The following UST variants were observed in gnomAD, a reference collection of about 807,000 sequenced individuals.
UST encodes the protein uronyl 2-sulfotransferase.
Under a neutral mutation model 45.6 loss-of-function variants are expected in UST, and 21 were observed. The observed-to-expected ratio is 0.46, with a 90% confidence interval of 0.33 to 0.66. The LOEUF is 0.66. Among genes scored for constraint, UST ranks in the 30% least tolerant of loss-of-function variants. The pLI, the probability that UST is intolerant of heterozygous loss-of-function variation, is 0.02. For missense variants in UST, 463 were observed against 512.4 expected (o/e 0.90, Z 0.93); for synonymous variants, 215 against 200.6 (o/e 1.07, Z -0.61).
intron 5 of UST, among the ~76,000 whole-genome samples, chr6:148,998,787 G>A (rs139044831): frequency 3.9e-5 from 6 of 152,338 alleles, no homozygotes; most frequent in Non-Finnish European, 5.9e-5. Flanking sequence ...TATAATCAGC[G>A]CAGCCCCTTA....
chr6:148,773,018 G>T (rs561377590), intron 1 of UST, among the ~76,000 whole-genome samples: 1 of 151,890 alleles, frequency 6.6e-6, no homozygotes, highest in South Asian at 2.1e-4. Context: ...GGCATTGGTG[G>T]GTACGTGATC....
rs144583579 is a variant in UST, at chr6:148,992,393, C to T, written c.682-26746C>T. Among the ~76,000 whole-genome samples, 36 of 152,144 alleles carry T rather than the reference C, an allele frequency of 2.4e-4. No homozygotes were observed. The East Asian group carries it at 6.4e-3, about 27-fold the overall frequency. ...TTGAGGCAGGAGAATGGGGTGAACC[C>T]GAGGGGCGGAGCTTGCAGTGAGCCG... On this transcript the variant is annotated intron_variant, in intron 5 of 7. Coordinates refer to ENST00000367463, the MANE Select transcript of UST (RefSeq NM_005715.3).
intron 1 of UST, among the ~76,000 whole-genome samples, chr6:148,872,212 G>A (rs1034195391): frequency 6.6e-6 from 1 of 152,108 alleles, no homozygotes; most frequent in African/African-American, 2.4e-5. Flanking sequence ...GTTAAGTAAA[G>A]CAATACATCA....
intron 1 of UST, among the ~76,000 whole-genome samples, chr6:148,862,004 C>T (rs1382699749): frequency 1.3e-5 from 2 of 152,162 alleles, no homozygotes; most frequent in African/African-American, 4.8e-5. Context: ...CTGTAGATGT[C>T]TATTAGATCT....
chr6:149,043,037 CT>C (rs1415004254), intron 7 of UST, among the ~76,000 whole-genome samples: 1 of 129,984 alleles, frequency 7.7e-6, no homozygotes, highest in Non-Finnish European at 1.6e-5. Flanking sequence ...TTCTTTCTTT[CT>C]TTCTTTCCTT....
intron 2 of UST, among the ~76,000 whole-genome samples, chr6:148,925,420 T>C (rs773118498): frequency 2.1e-4 from 32 of 149,556 alleles, no homozygotes; most frequent in Non-Finnish European, 3.2e-4. Context: ...CAACTCACAA[T>C]GACTTTTAAA....
In UST at chr6:149,000,657, A is replaced by T. The variant is rs115601838; in HGVS notation, c.682-18482A>T. Reference sequence around the variant, plus strand: ...ATGGCTTTAAGGAACAACCTGACAAAGTCTTTAAAATAAGTGTGCCTAGGA... The same window carrying T: ...ATGGCTTTAAGGAACAACCTGACAATGTCTTTAAAATAAGTGTGCCTAGGA... On this transcript the variant is annotated intron_variant, in intron 5 of 7. Coordinates refer to ENST00000367463, the MANE Select transcript of UST (RefSeq NM_005715.3). Among the ~76,000 whole-genome samples, 1,361 of 152,340 alleles carry T rather than the reference A, an allele frequency of 8.9e-3. 20 individuals carry two copies. Among genetic ancestry groups the T allele is most frequent in the African/African-American group, 0.031 (1,294 of 41,572 alleles).
chr6:148,845,757 T>C (rs1479611146), intron 1 of UST, among the ~76,000 whole-genome samples: 1 of 152,232 alleles, frequency 6.6e-6, no homozygotes, highest in East Asian at 1.9e-4. Context: ...GTGAGTGTTC[T>C]AATTCATATC....
rs1231317809 is a variant in UST at position 149,074,754 on chromosome 6, A to G, written c.*638A>G. 1.3e-5 allele frequency: 2 copies of G among 152,114 alleles called. No individual in the cohort carries two copies. The highest frequency in any genetic ancestry group is 4.8e-5 in the African/African-American group (2 of 41,306). The allele number at this position is 152,114 out of a possible 1,614,324, so 9.4% of individuals were successfully genotyped here. Reference sequence around the variant, plus strand: ...TGTCTCAATTAATTTTTTTTTTTTAAAGGAGGAGGATCTCCATGGGTAAGT... The same window carrying G: ...TGTCTCAATTAATTTTTTTTTTTTAGAGGAGGAGGATCTCCATGGGTAAGT... On this transcript the variant is annotated 3_prime_UTR_variant, in exon 8 of 8. Coordinates refer to ENST00000367463, the MANE Select transcript of UST (RefSeq NM_005715.3).
At chr6:148,977,260 T>G (rs1781032941) in intron 5 of UST, among the ~76,000 whole-genome samples, 1 of 151,764 alleles carries the variant, frequency 6.6e-6, no homozygotes, top group African/African-American at 2.4e-5. Flanking sequence ...ATATACACAC[T>G]GTTGTAACCT....
intron 3 of UST, among the ~76,000 whole-genome samples, chr6:148,943,879 T>C (rs1780180363): frequency 6.6e-6 from 1 of 152,208 alleles, no homozygotes; most frequent in African/African-American, 2.4e-5. Flanking sequence ...AATTTTAATG[T>C]GAAAACAAAC....
intron 1 of UST, among the ~76,000 whole-genome samples, chr6:148,829,041 T>A (rs187188138): frequency 2.6e-5 from 4 of 152,252 alleles, no homozygotes; most frequent in Admixed American, 6.5e-5. Context: ...TGGCACCAAT[T>A]CCTTGGAGTA....
At chr6:148,855,949 T>C (rs1330962669) in intron 1 of UST, among the ~76,000 whole-genome samples, 1 of 152,192 alleles carries the variant, frequency 6.6e-6, no homozygotes, top group East Asian at 1.9e-4. Context: ...CCTTTGTATG[T>C]TGGTGATCAA....
At position 148,785,707 on chromosome 6, in the gene UST, A is replaced by G. The variant is rs117819068; in HGVS notation, c.247+38030A>G. ...CAACTAATCGTTTGGATGAGATTTC[A>G]AGATATTTCTATATATTTTGTGGGC... On this transcript the variant is annotated intron_variant, in intron 1 of 7. Transcript: ENST00000367463. 4.2e-3 allele frequency among the ~76,000 whole-genome samples: 634 copies of G among 152,360 alleles called. 3 individuals carry two copies. The highest frequency in any genetic ancestry group is 7.5e-3 in the Non-Finnish European group (509 of 68,030).
chr6:149,027,843 C>CT (rs35563578), intron 7 of UST: 111 of 131,622 alleles, frequency 8.4e-4, no homozygotes, highest in South Asian at 4.5e-3. Flanking sequence ...ATCCCCCCAT[C>CT]TTTTTTTTTT....
chr6:148,971,918 T>C (rs530036369), intron 5 of UST, among the ~76,000 whole-genome samples: 2 of 152,282 alleles, frequency 1.3e-5, no homozygotes, highest in Admixed American at 1.3e-4. Context: ...ACCAGCTAGA[T>C]AGATCAGAGG....
At chr6:148,882,150 C>T (rs1184984544) in intron 1 of UST, among the ~76,000 whole-genome samples, 3 of 151,990 alleles carry the variant, frequency 2.0e-5, no homozygotes, top group African/African-American at 7.3e-5. Context: ...CACCGAGGAC[C>T]CTTGTTCCTT....
intron 5 of UST, among the ~76,000 whole-genome samples, chr6:149,001,865 G>C (rs1204273087): frequency 6.6e-6 from 1 of 152,070 alleles, no homozygotes; most frequent in Non-Finnish European, 1.5e-5. Context: ...AAAGGTGAGT[G>C]GTGTTTAATG....
intron 1 of UST, among the ~76,000 whole-genome samples, chr6:148,840,059 G>A (rs886356001): frequency 3.9e-5 from 6 of 152,298 alleles, no homozygotes; most frequent in Middle Eastern, 3.4e-3. Context: ...ACAGAAACTC[G>A]TTGGCTATTG....
Sources: gnomAD v4.1 joint callset for allele counts (sites outside exome capture counted in the v4.1 genomes callset) on GRCh38, gnomAD v4.1.1 for gene constraint, MANE v1.5 for transcripts, NCBI Gene and HGNC (gene_info 2026-07-23, HGNC 2026-07-21) for gene names.